Variants in WFDC11 observed in about 807,000 individuals in gnomAD.
The protein encoded by WFDC11 is WAP four-disulfide core domain 11.
Under a neutral mutation model 9.9 loss-of-function variants are expected in WFDC11, and 9 were observed. That is an observed-to-expected ratio of 0.91 (90% confidence interval 0.55 to 1.58). WFDC11 has a LOEUF of 1.58. WFDC11 is among the 40% of genes most tolerant of loss of function. WFDC11 has a pLI of 0.00. For synonymous variants in WFDC11, 32 were observed against 33.3 expected, an observed-to-expected ratio of 0.96 and a Z score of 0.13; for missense variants, 106 against 101.7, an observed-to-expected ratio of 1.04 and a Z score of -0.18.
At chr20:45,658,312 T>C (rs1845079745) in intron 2 of WFDC11, among the ~76,000 whole-genome samples, 1 of 152,200 alleles carries the variant, frequency 6.6e-6, no homozygotes, top group African/African-American at 2.4e-5. Flanking sequence ...ATACAACAAG[T>C]CTCTGAGATG....
intron 2 of WFDC11, among the ~76,000 whole-genome samples, chr20:45,664,367 C>G (rs1269475185): frequency 6.6e-6 from 1 of 152,156 alleles, no homozygotes; most frequent in Non-Finnish European, 1.5e-5. Context: ...GGTCTTAACT[C>G]TTTATCCAAT....
intron 2 of WFDC11, among the ~76,000 whole-genome samples, chr20:45,665,278 G>T (rs186412568): frequency 3.3e-5 from 5 of 152,234 alleles, no homozygotes; most frequent in African/African-American, 9.6e-5. Flanking sequence ...GTCATTTAAG[G>T]TCTTCTCTAC....
At chr20:45,661,449 T>C (rs1439141343) in intron 2 of WFDC11, among the ~76,000 whole-genome samples, 3 of 152,242 alleles carry the variant, frequency 2.0e-5, no homozygotes, top group East Asian at 3.9e-4. Context: ...ATTTTGGCTT[T>C]TGTTGCCATT....
intron 2 of WFDC11, among the ~76,000 whole-genome samples, chr20:45,655,048 T>C (rs1047123881): frequency 6.6e-6 from 1 of 152,056 alleles, no homozygotes; most frequent in Non-Finnish European, 1.5e-5. Context: ...TTCCAATCAA[T>C]AGAAAAAGAG....
Position 45,662,059 on chromosome 20 carries a change from G to A in WFDC11, c.-52+5029C>T, listed in dbSNP as rs6032413. ...TTCTTCCTAGCCATGAGCATGGAAT[G>A]TTCTTCCATTTGTTTGTATCTTCTT... On this transcript the variant is annotated intron_variant, in intron 2 of 4. Coordinates refer to ENST00000324384, the MANE Select transcript of WFDC11 (RefSeq NM_147197.2). 3.5e-3 allele frequency among the ~76,000 whole-genome samples: 526 copies of A among 152,116 alleles called. 4 individuals are homozygous for A. The highest frequency in any genetic ancestry group is 5.4e-3 in the Non-Finnish European group (370 of 68,018).
intron 2 of WFDC11, among the ~76,000 whole-genome samples, chr20:45,664,400 TG>T (rs1324939906): frequency 1.3e-5 from 2 of 152,014 alleles, no homozygotes; most frequent in Non-Finnish European, 2.9e-5. Context: ...ATCTTTTAAT[TG>T]GGGCATTTAG....
At chr20:45,653,866 A>C (rs1219285123) in intron 2 of WFDC11, among the ~76,000 whole-genome samples, 1 of 152,236 alleles carries the variant, frequency 6.6e-6, no homozygotes, top group Non-Finnish European at 1.5e-5. Context: ...GGATCAATTC[A>C]ACAAGAAGAG....
intron 2 of WFDC11, among the ~76,000 whole-genome samples, chr20:45,659,275 G>A (rs1983002268): frequency 6.6e-6 from 1 of 152,190 alleles, no homozygotes; most frequent in Admixed American, 6.5e-5. Context: ...CTAGATCCTT[G>A]AGGAATCACC....
chr20:45,655,256 TG>T (rs1982901995), intron 2 of WFDC11, among the ~76,000 whole-genome samples: 1 of 152,196 alleles, frequency 6.6e-6, no homozygotes, highest in South Asian at 2.1e-4. Flanking sequence ...GCTTCATCCC[TG>T]GGATGCAAGG....
intron 2 of WFDC11, among the ~76,000 whole-genome samples, chr20:45,655,923 G>A (rs1982920356): frequency 1.3e-5 from 2 of 152,104 alleles, no homozygotes; most frequent in Non-Finnish European, 2.9e-5. Flanking sequence ...ACTGCTCAAT[G>A]AAATAAAAGA....
At chr20:45,665,202 G>C (rs6073842) in intron 2 of WFDC11, among the ~76,000 whole-genome samples, 29,690 of 152,024 alleles carry the variant, frequency 0.2, 3,202 homozygotes, top group East Asian at 0.32. Flanking sequence ...TCCACTTGAT[G>C]CATTGGCTAT....
intron 2 of WFDC11, among the ~76,000 whole-genome samples, chr20:45,651,525 G>A (rs990189085): frequency 1.3e-5 from 2 of 152,202 alleles, no homozygotes; most frequent in African/African-American, 2.4e-5. Context: ...CAGCGTGAGC[G>A]ACACAGAAGA....
chr20:45,650,551 C>A lies in WFDC11; in HGVS notation c.50G>T (p.Cys17Phe), dbSNP rs773739369. The change falls in exon 3 of 5, where the codon TGT (cysteine) becomes TTT (phenylalanine). Residue 17 changes from cysteine (C) to phenylalanine (F), a missense_variant. By Grantham distance (205) the Cys-to-Phe change is radical. Transcript: ENST00000324384. ...LWIPMLMTFF[C>F]TVLLSVLGEM... ...TCCCAGCACAGACAGTAGCACCGTA[C>A]AGAAGAATGTCATGAGCATGGGTAT... The A allele has an allele frequency of 8.1e-6, 13 of 1,614,120 alleles. No individual in the cohort carries two copies. In the Middle Eastern group the frequency reaches 6.6e-4, roughly 82 times the overall value.
chr20:45,658,929 A>G lies in WFDC11; in HGVS notation c.-52+8159T>C, dbSNP rs118178119. Among the ~76,000 whole-genome samples the G allele has an allele frequency of 6.0e-3, 841 of 140,670 alleles. 11 individuals are homozygous for G. The highest frequency in any genetic ancestry group is 6.1e-3 in the Non-Finnish European group (406 of 66,282). The allele number at this position is 140,670 out of a possible 152,430, so 92.3% of individuals were successfully genotyped here. A position where few individuals can be genotyped will look rare whatever the true frequency, so the allele number is the denominator to read the frequency against. The stretch of plus-strand genomic sequence containing the variant: ...CCCACCCCCCCGTCCATGTGTTCTC[A>G]TTGTTGAACTTCCACTTATGAGAAC... On this transcript the variant is annotated intron_variant, in intron 2 of 4. Coordinates refer to ENST00000324384, the MANE Select transcript of WFDC11 (RefSeq NM_147197.2).
rs1405843966 is a variant in WFDC11, at chr20:45,650,535, A to G, written c.66T>C (p.Ser22=). Residue 22 remains serine (S), a synonymous_variant, in exon 3 of 5, where the codon TCT becomes TCC. Transcript: ENST00000324384. ...TTTTCTTCCTCATTTCTCCCAGCAC[A>G]GACAGTAGCACCGTACAGAAGAATG... is the stretch of plus-strand genomic sequence containing the variant. ...LMTFFCTVLL[S]VLGEMRKKRY... The G allele has an allele frequency of 1.2e-6, 2 of 1,614,020 alleles. No individual in the cohort carries two copies. The highest frequency in any genetic ancestry group is 1.7e-6 in the Non-Finnish European group (2 of 1,179,992).
At chr20:45,654,720 A>C (rs1446494459) in intron 2 of WFDC11, among the ~76,000 whole-genome samples, 1 of 152,248 alleles carries the variant, frequency 6.6e-6, no homozygotes, top group Non-Finnish European at 1.5e-5. Flanking sequence ...GAAGAATCAA[A>C]TAGATGCAAT....
At position 45,656,017 on chromosome 20, in the gene WFDC11, A is replaced by T. The variant is rs984425226; in HGVS notation, c.-51-5366T>A. Among the ~76,000 whole-genome samples, 4 of 152,212 alleles carry T rather than the reference A, an allele frequency of 2.6e-5. No individual in the cohort carries two copies. The South Asian group carries it at 6.2e-4, about 24-fold the overall frequency. ...AAAATGGCCATACTGCCCAAGGTAA[A>T]TTATAGATTCAATGCCATCCACATC... On this transcript the variant is annotated intron_variant, in intron 2 of 4. Transcript: ENST00000324384.
At chr20:45,664,293 T>G (rs962748103) in intron 2 of WFDC11, among the ~76,000 whole-genome samples, 1 of 152,170 alleles carries the variant, frequency 6.6e-6, no homozygotes, top group African/African-American at 2.4e-5. Context: ...CCTCCATCCC[T>G]TTATTTTGAG....
chr20:45,652,949 C>T (rs1175759468), intron 2 of WFDC11, among the ~76,000 whole-genome samples: 2 of 152,158 alleles, frequency 1.3e-5, no homozygotes, highest in African/African-American at 2.4e-5. Flanking sequence ...ACCAAATCTT[C>T]GTCTGATTGG....
Sources: gnomAD v4.1 joint callset for allele counts (sites outside exome capture counted in the v4.1 genomes callset) on GRCh38, gnomAD v4.1.1 for gene constraint, MANE v1.5 for transcripts, NCBI Gene and HGNC (gene_info 2026-07-23, HGNC 2026-07-21) for gene names.